ZSWIM6: variants seen among roughly 807,000 people sequenced by gnomAD.
ZSWIM6 encodes zinc finger SWIM domain-containing protein 6.
Under a neutral mutation model 113.2 loss-of-function variants are expected in ZSWIM6, and 9 were observed. That is an observed-to-expected ratio of 0.08 (90% CI 0.05 to 0.14). The LOEUF is 0.14. ZSWIM6 is among the 10% of genes least tolerant of loss of function. The probability of loss-of-function intolerance (pLI) is 1.00; values close to 1 mark genes in which losing one functional copy is unlikely to be tolerated. For synonymous variants in ZSWIM6, 611 were observed against 606.5 expected (o/e 1.01, Z -0.11); for missense variants, 1,162 against 1,552.2 (o/e 0.75, Z 4.22).
intron 4 of ZSWIM6, among the ~76,000 whole-genome samples, chr5:61,494,798 AATT>A (rs750667293): frequency 6.6e-6 from 1 of 152,156 alleles, no homozygotes; most frequent in Non-Finnish European, 1.5e-5. Flanking sequence ...CCCACACTGG[AATT>A]ATTAAAATTA....
At chr5:61,340,054 CTT>C (rs1241779886) in intron 1 of ZSWIM6, among the ~76,000 whole-genome samples, 1 of 152,148 alleles carries the variant, frequency 6.6e-6, no homozygotes, top group African/African-American at 2.4e-5. Flanking sequence ...ACCTGGTTGT[CTT>C]TTCAGTTTTT....
intron 1 of ZSWIM6, among the ~76,000 whole-genome samples, chr5:61,460,813 A>G (rs1003434862): frequency 1.3e-5 from 2 of 152,010 alleles, no homozygotes; most frequent in Admixed American, 6.5e-5. Context: ...TATGTAGCAG[A>G]CAGACAAGAT....
intron 1 of ZSWIM6, among the ~76,000 whole-genome samples, chr5:61,470,294 C>T (rs894107378): frequency 4.6e-5 from 7 of 152,144 alleles, no homozygotes; most frequent in Admixed American, 2.0e-4. Flanking sequence ...TTAAGATAAC[C>T]GGTTTCCCCG....
chr5:61,372,260 C>T (rs1745282390), intron 1 of ZSWIM6, among the ~76,000 whole-genome samples: 1 of 151,668 alleles, frequency 6.6e-6, no homozygotes, highest in Non-Finnish European at 1.5e-5. Flanking sequence ...CTGAGCCTTT[C>T]TACCCCATTC....
At chr5:61,496,109 A>AT (rs1371338513) in intron 4 of ZSWIM6, among the ~76,000 whole-genome samples, 11 of 152,188 alleles carry the variant, frequency 7.2e-5, no homozygotes, top group Non-Finnish European at 1.6e-4. Flanking sequence ...AGAAATATAA[A>AT]TTTTTATTAG....
chr5:61,494,483 A>G (rs1176089552), intron 4 of ZSWIM6, 73 bp downstream of exon 4: 10 of 1,527,542 alleles, frequency 6.5e-6, no homozygotes, highest in Admixed American at 2.0e-5. Context: ...TTTCAAGAAC[A>G]TGGTCGTAGT....
At chr5:61,494,450 T>C (rs1294489663) in intron 4 of ZSWIM6, 40 bp downstream of exon 4, 2 of 1,548,642 alleles carry the variant, frequency 1.3e-6, no homozygotes, top group Admixed American at 3.9e-5. Flanking sequence ...GATTTGCATA[T>C]GGATAAATAC....
intron 1 of ZSWIM6, among the ~76,000 whole-genome samples, chr5:61,333,831 G>T (rs1359517776): frequency 1.3e-5 from 2 of 151,954 alleles, no homozygotes; most frequent in Non-Finnish European, 2.9e-5. Context: ...TTTTGTTTGC[G>T]CTGTGTGGTC....
intron 1 of ZSWIM6, among the ~76,000 whole-genome samples, chr5:61,448,010 A>G (rs1462821538): frequency 1.3e-5 from 2 of 152,216 alleles, no homozygotes; most frequent in Non-Finnish European, 2.9e-5. Context: ...CTGGTGTCTC[A>G]TTATCCAGAT....
At position 61,543,315 on chromosome 5, in the gene ZSWIM6, C is replaced by T; in HGVS notation, c.2786-140C>T. On this transcript the variant is annotated intron_variant, in intron 13 of 13. Transcript: ENST00000252744. This position sits in a 1 kb window ranked among gnomAD's most constrained non-coding sequence, Gnocchi z 4.3. ...TATTCTTAAAGGTTTCTCACAGGCA[C>T]ATTACTTTACAGGATTTTCTAGCCT... The T allele has an allele frequency of 4.1e-6, 4 of 981,596 alleles. No individual in the cohort carries two copies. The highest frequency in any genetic ancestry group is 5.8e-6 in the Non-Finnish European group (4 of 685,442). 60.8% of individuals were successfully genotyped at this position (981,596 alleles called of 1,614,324 possible). A position where few individuals can be genotyped will look rare whatever the true frequency, so the allele number is the denominator to read the frequency against.
intron 1 of ZSWIM6, among the ~76,000 whole-genome samples, chr5:61,434,157 AAT>A (rs1236372408): frequency 6.8e-6 from 1 of 147,494 alleles, no homozygotes; most frequent in African/African-American, 2.5e-5. Flanking sequence ...CATATATATA[AAT>A]ATATGTATTA....
intron 1 of ZSWIM6, among the ~76,000 whole-genome samples, chr5:61,430,447 T>G (rs1746555655): frequency 6.6e-6 from 1 of 152,218 alleles, no homozygotes; most frequent in Admixed American, 6.5e-5. Flanking sequence ...ATATTAATCT[T>G]AAATCTGATA....
At chr5:61,500,127 A>G (rs1173274792) in intron 4 of ZSWIM6, among the ~76,000 whole-genome samples, 2 of 146,710 alleles carry the variant, frequency 1.4e-5, no homozygotes, top group Non-Finnish European at 1.5e-5. Flanking sequence ...TATTATTATT[A>G]TCATTATCAT....
intron 1 of ZSWIM6, among the ~76,000 whole-genome samples, chr5:61,357,916 C>T (rs1375055863): frequency 2.6e-5 from 4 of 152,180 alleles, no homozygotes; most frequent in Non-Finnish European, 5.9e-5. Flanking sequence ...TAGCCCTACT[C>T]TTCCTAGTTG....
intron 1 of ZSWIM6, among the ~76,000 whole-genome samples, chr5:61,380,950 A>G (rs1055381760): frequency 6.7e-6 from 1 of 149,220 alleles, no homozygotes; most frequent in African/African-American, 2.4e-5. Flanking sequence ...GAAAAAAAAA[A>G]AGAAAAAAAA....
intron 1 of ZSWIM6, among the ~76,000 whole-genome samples, chr5:61,459,443 G>A (rs1043165646): frequency 6.6e-6 from 1 of 152,166 alleles, no homozygotes; most frequent in Non-Finnish European, 1.5e-5. Flanking sequence ...TAGTAGTATA[G>A]TGTATAGTAT....
chr5:61,542,091 A>C, intron 13 of ZSWIM6, 126 bp downstream of exon 13: 1 of 758,802 alleles, frequency 1.3e-6, no homozygotes, highest in Non-Finnish European at 2.1e-6. Flanking sequence ...CTAGCAGTCC[A>C]CAAGGGCTTC....
At chr5:61,426,370 C>T (rs1561232574) in intron 1 of ZSWIM6, among the ~76,000 whole-genome samples, 1 of 152,164 alleles carries the variant, frequency 6.6e-6, no homozygotes, top group African/African-American at 2.4e-5. Flanking sequence ...GTATTTTTAA[C>T]ATTTTACACC....
intron 1 of ZSWIM6, among the ~76,000 whole-genome samples, chr5:61,419,694 G>T (rs1285579608): frequency 1.3e-5 from 2 of 152,190 alleles, no homozygotes; most frequent in Non-Finnish European, 1.5e-5. Flanking sequence ...GACAGCACTG[G>T]TCTAGAATAT....
Sources: gnomAD v4.1 joint callset for allele counts (sites outside exome capture counted in the v4.1 genomes callset) on GRCh38, gnomAD v4.1.1 for gene constraint, Gnocchi (gnomAD v3.1) non-coding constraint, MANE v1.5 for transcripts, NCBI Gene and HGNC (gene_info 2026-07-23, HGNC 2026-07-21) for gene names.